ZMYM2: variants seen among roughly 807,000 people sequenced by gnomAD.
The protein encoded by ZMYM2 is zinc finger MYM-type protein 2.
In ZMYM2, 56 loss-of-function variants were observed where a neutral mutation model predicts 162.8. That is an observed-to-expected ratio of 0.34 (90% confidence interval 0.28 to 0.43). The LOEUF (loss-of-function observed/expected upper bound fraction) is 0.43. ZMYM2 is among the 20% of genes least tolerant of loss of function. The pLI, the probability that ZMYM2 is intolerant of heterozygous loss-of-function variation, is 1.00. For missense variants in ZMYM2, 1,275 were observed against 1,621.8 expected, an observed-to-expected ratio of 0.79 and a Z score of 3.67; for synonymous variants, 510 against 541.6, an observed-to-expected ratio of 0.94 and a Z score of 0.81.
chr13:20,050,403 A>G (rs1410470414), intron 12 of ZMYM2, among the ~76,000 whole-genome samples: 1 of 152,044 alleles, frequency 6.6e-6, no homozygotes, highest in Non-Finnish European at 1.5e-5. Context: ...TCTAGATTAG[A>G]GTAATAAAGG....
intron 21 of ZMYM2, among the ~76,000 whole-genome samples, chr13:20,078,765 T>G: frequency 6.6e-6 from 1 of 152,262 alleles, no homozygotes; most frequent in Non-Finnish European, 1.5e-5. Flanking sequence ...TGTTAAATAT[T>G]TTTATATTAT....
chr13:19,935,269 G>T, the ZMYM2 span, among the ~76,000 whole-genome samples: 6 of 151,884 alleles, frequency 4.0e-5, no homozygotes. Flanking sequence ...GAGTGGCTGG[G>T]ACTACTGGTG....
chr13:19,978,415 T>G (rs1956981797), intron 2 of ZMYM2, among the ~76,000 whole-genome samples: 1 of 151,936 alleles, frequency 6.6e-6, no homozygotes, highest in Non-Finnish European at 1.5e-5. Flanking sequence ...AAAATTACTG[T>G]TTTTTGGGTT....
intron 2 of ZMYM2, among the ~76,000 whole-genome samples, chr13:19,988,521 C>T (rs947796722): frequency 3.3e-5 from 5 of 152,248 alleles, no homozygotes; most frequent in African/African-American, 1.2e-4. Flanking sequence ...GGCTCACTCA[C>T]GCCTGTAATT....
intron 2 of ZMYM2, among the ~76,000 whole-genome samples, chr13:19,988,367 A>T (rs781265847): frequency 5.9e-5 from 9 of 152,234 alleles, no homozygotes; most frequent in Non-Finnish European, 1.0e-4. Flanking sequence ...TTACTTAAAA[A>T]TAACTTTGAT....
At chr13:20,048,342 A>G (rs2872183) in intron 12 of ZMYM2, among the ~76,000 whole-genome samples, 15,546 of 151,920 alleles carry the variant, frequency 0.1, 1,298 homozygotes, top group African/African-American at 0.22. Context: ...TTTAATATTC[A>G]AATATTGCCT....
intron 22 of ZMYM2, among the ~76,000 whole-genome samples, chr13:20,082,540 T>C (rs1196934481): frequency 2.0e-5 from 3 of 152,194 alleles, no homozygotes; most frequent in African/African-American, 7.2e-5. Flanking sequence ...GACCACTGTT[T>C]GCTTGTCCTA....
chr13:20,066,631 T>G, intron 19 of ZMYM2: 1 of 381,226 alleles, frequency 2.6e-6, no homozygotes. Context: ...AGGAGAGAGG[T>G]TGATCTTGCT....
chr13:19,983,562 A>G (rs145674001), intron 2 of ZMYM2, among the ~76,000 whole-genome samples: 363 of 152,190 alleles, frequency 2.4e-3, no homozygotes, highest in African/African-American at 8.5e-3. Context: ...GACTTTAATG[A>G]TAATGCTTTT....
chr13:19,946,061 T>G, the ZMYM2 span, among the ~76,000 whole-genome samples: 4 of 151,844 alleles, frequency 2.6e-5, no homozygotes, highest in Non-Finnish European at 5.9e-5. Flanking sequence ...TCATTAACTA[T>G]CATCAACTCA....
intron 7 of ZMYM2, chr13:20,019,874 T>C (rs1424149955): frequency 4.9e-6 from 2 of 404,504 alleles, no homozygotes; most frequent in Non-Finnish European, 9.1e-6. Flanking sequence ...CAGATTTTTT[T>C]AGTGCACAAT....
chr13:19,924,029 A>C, the ZMYM2 span, among the ~76,000 whole-genome samples: 1 of 151,902 alleles, frequency 6.6e-6, no homozygotes, highest in Non-Finnish European at 1.5e-5. Context: ...TGGGACCTTA[A>C]TCATCTCTCT....
At chr13:19,873,993 G>C in the ZMYM2 span, among the ~76,000 whole-genome samples, 1 of 152,164 alleles carries the variant, frequency 6.6e-6, no homozygotes, top group Non-Finnish European at 1.5e-5. Context: ...CACCTTTCCA[G>C]GATCACTTCT....
At chr13:19,867,988 C>A in the ZMYM2 span, among the ~76,000 whole-genome samples, 2 of 152,190 alleles carry the variant, frequency 1.3e-5, no homozygotes, top group Non-Finnish European at 2.9e-5. Flanking sequence ...TAATTTTGGC[C>A]ACTGCCGTTG....
the ZMYM2 span, among the ~76,000 whole-genome samples, chr13:19,945,951 G>GAAAA: frequency 5.0e-3 from 445 of 89,034 alleles, 5 homozygotes; most frequent in African/African-American, 9.3e-3. Context: ...CTCCGTCTCA[G>GAAAA]AAAAAAAAAA....
chr13:20,006,612 G>A (rs1479266001), intron 6 of ZMYM2, 26 bp downstream of exon 6: 13 of 1,607,588 alleles, frequency 8.1e-6, no homozygotes, highest in Non-Finnish European at 1.1e-5. Context: ...ATCAAAATTG[G>A]GCATTCTTTA....
upstream of ZMYM2, among the ~76,000 whole-genome samples, chr13:19,955,176 T>C (rs1954481055): frequency 6.6e-6 from 1 of 151,694 alleles, no homozygotes; most frequent in African/African-American, 2.4e-5. Flanking sequence ...ATTTGGATTA[T>C]GCGGTAGCAT....
the ZMYM2 span, among the ~76,000 whole-genome samples, chr13:19,900,425 T>C: frequency 6.6e-6 from 1 of 152,154 alleles, no homozygotes; most frequent in Non-Finnish European, 1.5e-5. Context: ...GGCCTATTAC[T>C]AGGAAGGAGA....
intron 17 of ZMYM2, 67 bp downstream of exon 17, chr13:20,061,291 G>C: frequency 6.6e-7 from 1 of 1,518,536 alleles, no homozygotes; most frequent in Non-Finnish European, 8.9e-7. Flanking sequence ...TATTGTTACA[G>C]TACTTTCCAG....
Sources: allele counts gnomAD v4.1 joint callset (sites outside exome capture counted in the v4.1 genomes callset), GRCh38; gene constraint gnomAD v4.1.1; transcripts MANE v1.5; gene names NCBI Gene and HGNC (gene_info 2026-07-23, HGNC 2026-07-21).